ADARB2: variants seen among roughly 807,000 people sequenced by gnomAD.
ADARB2 encodes inactive double-stranded RNA-specific editase B2.
In ADARB2, 25 loss-of-function variants were observed where a neutral mutation model predicts 62.2. The observed-to-expected ratio is 0.40, with a 90% CI of 0.29 to 0.56. The LOEUF is 0.56. Among genes scored for constraint, ADARB2 ranks in the 20% least tolerant of loss-of-function variants. ADARB2 has a pLI of 0.43. For synonymous variants in ADARB2, 572 were observed against 500.8 expected, an observed-to-expected ratio of 1.14 and a Z score of -1.90; for missense variants, 1,071 against 1,077.4, an observed-to-expected ratio of 0.99 and a Z score of 0.08.
intron 5 of ADARB2, among the ~76,000 whole-genome samples, chr10:1,235,430 C>T (rs147043021): frequency 2.1e-5 from 1 of 48,554 alleles, no homozygotes; most frequent in Non-Finnish European, 4.3e-5. Context: ...TCGGAGTGGG[C>T]GCTGAACGAA....
At chr10:1,244,473 A>G (rs190388641) in intron 4 of ADARB2, among the ~76,000 whole-genome samples, 170 of 152,316 alleles carry the variant, frequency 1.1e-3, no homozygotes, top group African/African-American at 3.9e-3. Flanking sequence ...GAGCTGTAGA[A>G]AAAAGCAACT....
At chr10:1,187,352 A>G (rs964922754) in intron 8 of ADARB2, among the ~76,000 whole-genome samples, 11 of 149,470 alleles carry the variant, frequency 7.4e-5, no homozygotes, top group Non-Finnish European at 1.3e-4. Context: ...TCCTCCTCCC[A>G]CTCCCGTCAC....
rs368633274 is a variant in ADARB2, at chr10:1,505,781, C to T, written c.101-126621G>A. Reference sequence around the variant, plus strand: ...CCGCCTCCCCATGCCCGTGGTTCTGCCACTCCCGTCCCCACCGTCTGCACT... The same window carrying T: ...CCGCCTCCCCATGCCCGTGGTTCTGTCACTCCCGTCCCCACCGTCTGCACT... On this transcript the variant is annotated intron_variant, in intron 1 of 9. Coordinates refer to ENST00000381312, the MANE Select transcript of ADARB2 (RefSeq NM_018702.4). Among the ~76,000 whole-genome samples, 52 of 152,184 alleles carry T rather than the reference C, an allele frequency of 3.4e-4. No individual in the cohort carries two copies. The South Asian group carries it at 0.011, about 31-fold the overall frequency.
chr10:1,572,456 G>A (rs1832955378), intron 1 of ADARB2, among the ~76,000 whole-genome samples: 1 of 152,166 alleles, frequency 6.6e-6, no homozygotes, highest in Non-Finnish European at 1.5e-5. Flanking sequence ...AACTGACGGT[G>A]GGTGCCCTTT....
At chr10:1,559,769 T>G (rs191898750) in intron 1 of ADARB2, among the ~76,000 whole-genome samples, 1 of 152,342 alleles carries the variant, frequency 6.6e-6, no homozygotes, top group East Asian at 1.9e-4. Context: ...TCTGTAGATT[T>G]GACAGGTCTT....
intron 1 of ADARB2, among the ~76,000 whole-genome samples, chr10:1,516,499 G>A (rs1324442848): frequency 6.6e-6 from 1 of 151,604 alleles, no homozygotes; most frequent in Non-Finnish European, 1.5e-5. Context: ...TGCTATGCGG[G>A]CTGCTCTGTG....
intron 6 of ADARB2, among the ~76,000 whole-genome samples, chr10:1,223,095 G>A (rs1427497207): frequency 6.6e-6 from 1 of 152,078 alleles, no homozygotes; most frequent in African/African-American, 2.4e-5. Context: ...ATTTCATTGA[G>A]CTGTGGTTTG....
chr10:1,649,157 G>T (rs1270660518), intron 1 of ADARB2, among the ~76,000 whole-genome samples: 1 of 152,170 alleles, frequency 6.6e-6, no homozygotes, highest in Non-Finnish European at 1.5e-5. Flanking sequence ...TTCCATTTAT[G>T]TTTGGTTGGA....
At chr10:1,528,737 G>A (rs1832181245) in intron 1 of ADARB2, among the ~76,000 whole-genome samples, 1 of 152,226 alleles carries the variant, frequency 6.6e-6, no homozygotes, top group Admixed American at 6.5e-5. Context: ...ATGCTGTCAT[G>A]TTTGGTCAGA....
intron 6 of ADARB2, among the ~76,000 whole-genome samples, chr10:1,229,865 T>G (rs1159860941): frequency 2.0e-5 from 3 of 151,934 alleles, no homozygotes; most frequent in East Asian, 1.9e-4. Context: ...TGTGTGTGTG[T>G]GTGGGTATAT....
At chr10:1,384,439 A>G (rs766249539) in intron 1 of ADARB2, among the ~76,000 whole-genome samples, 5 of 152,194 alleles carry the variant, frequency 3.3e-5, no homozygotes, top group African/African-American at 4.8e-5. Flanking sequence ...ACAGTCCTAG[A>G]AAGGGCAGGA....
intron 1 of ADARB2, among the ~76,000 whole-genome samples, chr10:1,541,892 C>T (rs1832435282): frequency 4.1e-5 from 1 of 24,214 alleles, no homozygotes; most frequent in Admixed American, 4.1e-4. Context: ...GCCCAGACCG[C>T]ACTCAGATGT....
At chr10:1,217,157 A>T in intron 6 of ADARB2, 38 bp from the exon 7 acceptor site, 1 of 1,515,378 alleles carries the variant, frequency 6.6e-7, no homozygotes, top group Non-Finnish European at 8.9e-7. Context: ...GAGAAGAGGG[A>T]AGCCGCCTTG....
intron 1 of ADARB2, chr10:1,535,737 C>T (rs945405031): frequency 4.2e-5 from 7 of 167,072 alleles, no homozygotes; most frequent in Admixed American, 3.9e-4. Flanking sequence ...CCGGGTGGCT[C>T]GCACCTCTGC....
At chr10:1,202,673 G>A (rs1837002855) in intron 7 of ADARB2, among the ~76,000 whole-genome samples, 1 of 152,246 alleles carries the variant, frequency 6.6e-6, no homozygotes, top group African/African-American at 2.4e-5. Flanking sequence ...AGGGCTCCGG[G>A]TACTGTGGTC....
intron 4 of ADARB2, among the ~76,000 whole-genome samples, chr10:1,270,367 T>C (rs1246875349): frequency 6.6e-6 from 1 of 152,150 alleles, no homozygotes; most frequent in Non-Finnish European, 1.5e-5. Context: ...AGGAGGTCAT[T>C]ACACACTCGT....
chr10:1,319,490 A>C (rs1003963387), intron 3 of ADARB2, among the ~76,000 whole-genome samples: 5 of 152,214 alleles, frequency 3.3e-5, no homozygotes, highest in Admixed American at 3.3e-4. Flanking sequence ...ATCAAAATAA[A>C]AAGCAAAATA....
Position 1,363,813 on chromosome 10 carries a change from T to C in ADARB2, c.292A>G (p.Arg98Gly). ...RARGGAPGAK[R>G]KRPLEEGNGG... ...TTCCCCTCCTCCAGCGGCCGCTTCC[T>C]CTTCGCGCCGGGCGCGCCGCCCCGG... Residue 98 changes from arginine (R) to glycine (G), a missense_variant, in exon 3 of 10, where the codon AGG becomes GGG. By Grantham distance (125) the Arg-to-Gly change is moderately radical. Coordinates refer to ENST00000381312, the MANE Select transcript of ADARB2 (RefSeq NM_018702.4). The C allele has an allele frequency of 6.3e-7, 1 of 1,591,216 alleles. No homozygotes were observed. The highest frequency in any genetic ancestry group is 8.5e-7 in the Non-Finnish European group (1 of 1,176,222).
intron 1 of ADARB2, among the ~76,000 whole-genome samples, chr10:1,418,983 G>T (rs1832830466): frequency 6.6e-6 from 1 of 152,180 alleles, no homozygotes; most frequent in Admixed American, 6.5e-5. Flanking sequence ...TGGAACCCTG[G>T]ATCTTGGTTG....
Sources: allele counts gnomAD v4.1 joint callset (sites outside exome capture counted in the v4.1 genomes callset), GRCh38; gene constraint gnomAD v4.1.1; transcripts MANE v1.5; gene names NCBI Gene and HGNC (gene_info 2026-07-23, HGNC 2026-07-21).